The following MYRFL variants were observed in gnomAD, a reference collection of about 807,000 sequenced individuals.
MYRFL encodes the protein myelin regulatory factor like.
MYRFL carries 88 observed loss-of-function variants against 109.4 expected under a neutral mutation model. The observed-to-expected ratio is 0.80, with a 90% CI of 0.68 to 0.96. MYRFL has a LOEUF of 0.96. Ranked by LOEUF, MYRFL falls within the 40% of genes least tolerant of loss-of-function variation. The pLI is 0.00. For missense variants in MYRFL, 957 were observed against 954.9 expected (o/e 1.00, Z -0.03); for synonymous variants, 324 against 320.9 (o/e 1.01, Z -0.10).
chr12:69,869,943 G>A (rs1316137666), intron 2 of MYRFL, among the ~76,000 whole-genome samples: 2 of 152,014 alleles, frequency 1.3e-5, no homozygotes, highest in African/African-American at 2.4e-5. Context: ...TATTTTGTAC[G>A]CCCTCTTTTG....
At chr12:69,845,875 A>C (rs139041018) in intron 1 of MYRFL, among the ~76,000 whole-genome samples, 1 of 152,042 alleles carries the variant, frequency 6.6e-6, no homozygotes, top group East Asian at 1.9e-4. Context: ...AGCACGGAAC[A>C]AAGTATACCT....
At chr12:69,936,024 TC>T in intron 16 of MYRFL, 88 bp from the exon 17 acceptor site, 1 of 1,434,078 alleles carries the variant, frequency 7.0e-7, no homozygotes, top group Non-Finnish European at 9.2e-7. Context: ...TGAGAGTACA[TC>T]TCTGGCCAGC....
chr12:69,859,307 C>A (rs1281637997), intron 2 of MYRFL, among the ~76,000 whole-genome samples: 2 of 152,112 alleles, frequency 1.3e-5, no homozygotes, highest in African/African-American at 2.4e-5. Flanking sequence ...TGGAAGAATG[C>A]TCACTGTGCT....
At position 69,855,288 on chromosome 12, in the gene MYRFL, G is replaced by A; in HGVS notation, c.55G>A (p.Ala19Thr). 1.4e-6 allele frequency: 1 copy of A among 701,930 alleles called. No individual in the cohort carries two copies. The highest frequency in any genetic ancestry group is 2.6e-6 in the Non-Finnish European group (1 of 384,494). 43.5% of individuals were successfully genotyped at this position (701,930 alleles called of 1,614,324 possible). ...ALQQFFEAQG[A>T]NGTLENPALD... is the part of the protein sequence containing the mutation. ...TCAATTTGCCTTTGCAGCTCAGGGA[G>A]CCAATGGTACTCTGGAGAACCCAGC... The change falls in exon 2 of 25, where the codon GCC (alanine) becomes ACC (threonine). Residue 19 changes from alanine to threonine, a missense_variant. By Grantham distance (58) the Ala-to-Thr change is moderately conservative. Coordinates refer to ENST00000552032, the MANE Select transcript of MYRFL (RefSeq NM_182530.3).
intron 15 of MYRFL, among the ~76,000 whole-genome samples, chr12:69,928,813 CA>C (rs2120455668): frequency 6.6e-6 from 1 of 152,244 alleles, no homozygotes; most frequent in East Asian, 1.9e-4. Flanking sequence ...TCAATAAACA[CA>C]AAACATGAAT....
At chr12:69,872,098 T>C (rs1249056655) in intron 2 of MYRFL, among the ~76,000 whole-genome samples, 1 of 141,188 alleles carries the variant, frequency 7.1e-6, no homozygotes, top group Non-Finnish European at 1.6e-5. Flanking sequence ...TCATGATTCC[T>C]ATGCCTTCCT....
At chr12:69,915,372 T>C (rs1471657793) in intron 13 of MYRFL, among the ~76,000 whole-genome samples, 1 of 152,160 alleles carries the variant, frequency 6.6e-6, no homozygotes, top group Non-Finnish European at 1.5e-5. Context: ...GATCCTTTTT[T>C]GTAAAGAAAT....
chr12:69,897,579 G>C (rs1954037752), intron 10 of MYRFL, among the ~76,000 whole-genome samples: 1 of 152,204 alleles, frequency 6.6e-6, no homozygotes, highest in African/African-American at 2.4e-5. Flanking sequence ...TTGAGGTTGA[G>C]AGACTCTGGT....
intron 19 of MYRFL, among the ~76,000 whole-genome samples, chr12:69,943,879 G>T (rs569699675): frequency 6.6e-6 from 1 of 152,216 alleles, no homozygotes; most frequent in East Asian, 1.9e-4. Flanking sequence ...TGAAGGACAT[G>T]AACAGACACT....
chr12:69,890,658 C>T (rs1055549078), intron 6 of MYRFL, among the ~76,000 whole-genome samples: 6 of 152,224 alleles, frequency 3.9e-5, no homozygotes, highest in African/African-American at 1.4e-4. Flanking sequence ...TTGCTTGGAC[C>T]CAGGAGGCTG....
At chr12:69,864,417 C>G (rs1884886232) in intron 2 of MYRFL, among the ~76,000 whole-genome samples, 1 of 151,976 alleles carries the variant, frequency 6.6e-6, no homozygotes, top group Non-Finnish European at 1.5e-5. Flanking sequence ...TCCTCTGTCA[C>G]TGTCATCTCC....
intron 2 of MYRFL, among the ~76,000 whole-genome samples, chr12:69,868,652 T>C (rs1885152010): frequency 6.6e-6 from 1 of 152,206 alleles, no homozygotes; most frequent in Non-Finnish European, 1.5e-5. Context: ...GCCTTGTTTT[T>C]TGCTGCCATA....
At chr12:69,833,826 T>TTAGG in intron 1 of MYRFL, among the ~76,000 whole-genome samples, 1 of 108,194 alleles carries the variant, frequency 9.2e-6, no homozygotes, top group Non-Finnish European at 2.1e-5. Flanking sequence ...AGATAGGGCT[T>TTAGG]GCTTTTTTTT....
intron 10 of MYRFL, among the ~76,000 whole-genome samples, chr12:69,903,156 T>G (rs541739355): frequency 6.6e-6 from 1 of 152,350 alleles, no homozygotes; most frequent in South Asian, 2.1e-4. Flanking sequence ...TATCATTTGC[T>G]TGTCACTTGT....
intron 2 of MYRFL, among the ~76,000 whole-genome samples, chr12:69,877,093 G>C (rs1885729455): frequency 6.7e-6 from 1 of 148,354 alleles, no homozygotes; most frequent in Non-Finnish European, 1.5e-5. Flanking sequence ...GCGCGATCTT[G>C]GCTCACTGCA....
intron 19 of MYRFL, among the ~76,000 whole-genome samples, chr12:69,942,552 A>G (rs924585481): frequency 9.7e-4 from 142 of 145,766 alleles, no homozygotes; most frequent in African/African-American, 3.5e-3. Context: ...AATAAGAGCT[A>G]TCTATGACAA....
chr12:69,916,989 T>C (rs1341872710), intron 13 of MYRFL, among the ~76,000 whole-genome samples: 1 of 152,088 alleles, frequency 6.6e-6, no homozygotes, highest in African/African-American at 2.4e-5. Flanking sequence ...CTCTCTCCAG[T>C]AGCTTCCACG....
intron 21 of MYRFL, 101 bp from the exon 22 acceptor site, chr12:69,955,259 TATA>T: frequency 2.3e-6 from 1 of 439,250 alleles, no homozygotes. Flanking sequence ...TTATTTACTA[TATA>T]ATATTTCACA....
Position 69,955,393 on chromosome 12 carries a change from T to C in MYRFL, c.2406T>C (p.Val802=). The C allele has an allele frequency of 1.5e-6, 1 of 663,536 alleles. No homozygotes were observed. The highest frequency in any genetic ancestry group is 2.7e-6 in the Non-Finnish European group (1 of 371,514). The allele number at this position is 663,536 out of a possible 1,614,324, so 41.1% of individuals were successfully genotyped here. A position where few individuals can be genotyped will look rare whatever the true frequency, so the allele number is the denominator to read the frequency against. ...GSGNYNYNIP[V]NKHTPTNVKF... is the part of the protein sequence containing the mutation. ...GAAATTATAATTACAATATTCCTGT[T>C]AATAAACACACACCCACCAATGTCA... The change falls in exon 22 of 25, where the codon GTT becomes GTC. Residue 802 remains valine (V), a synonymous_variant. Coordinates refer to ENST00000552032, the MANE Select transcript of MYRFL (RefSeq NM_182530.3).
Sources: allele counts gnomAD v4.1 joint callset (sites outside exome capture counted in the v4.1 genomes callset), GRCh38; gene constraint gnomAD v4.1.1; transcripts MANE v1.5; gene names NCBI Gene and HGNC (gene_info 2026-07-23, HGNC 2026-07-21).